The following ZSCAN5A variants were observed in gnomAD, a reference collection of about 807,000 sequenced individuals.
The protein encoded by ZSCAN5A is zinc finger and SCAN domain-containing protein 5A.
Under a neutral mutation model 23.7 loss-of-function variants are expected in ZSCAN5A, and 12 were observed. The observed-to-expected ratio is 0.51, with a 90% CI of 0.32 to 0.82. The LOEUF (loss-of-function observed/expected upper bound fraction) is 0.82, where lower values mean the gene tolerates loss of function less well. ZSCAN5A is among the 40% of genes least tolerant of loss of function. The probability of loss-of-function intolerance (pLI) is 0.03; values close to 1 mark genes in which losing one functional copy is unlikely to be tolerated. For synonymous variants in ZSCAN5A, 257 were observed against 239.9 expected, an observed-to-expected ratio of 1.07 and a Z score of -0.66; for missense variants, 597 against 617.9, an observed-to-expected ratio of 0.97 and a Z score of 0.36.
intron 2 of ZSCAN5A, among the ~76,000 whole-genome samples, chr19:56,258,453 A>ACCTTCCAGTGTGGGGGGTGACAGAGACG (rs2146827265): frequency 7.3e-6 from 1 of 137,418 alleles, no homozygotes; most frequent in Non-Finnish European, 1.5e-5. Context: ...TGACAGACAC[A>ACCTTCCAGTGTGGGGGGTGACAGAGACG]CCTTCCAGTG....
In ZSCAN5A at chr19:56,352,908, C is replaced by T. The variant is rs548236412; in HGVS notation, c.-358+10327G>A. ...AGGTCTTTGCCAGATGGCAGTGTTTCGATCTATTACACTACAGACATTGTG... is the reference window on the plus strand; with the variant it reads ...AGGTCTTTGCCAGATGGCAGTGTTTTGATCTATTACACTACAGACATTGTG... On this transcript the variant is annotated intron_variant, in intron 2 of 6. Coordinates refer to the ZSCAN5A transcript ENST00000587340. This position sits in a 1 kb window ranked among gnomAD's most constrained non-coding sequence, Gnocchi z 4.2. Among the ~76,000 whole-genome samples, 20 of 152,168 alleles carry T rather than the reference C, an allele frequency of 1.3e-4. No homozygotes were observed. The highest frequency in any genetic ancestry group is 2.5e-4 in the Non-Finnish European group (17 of 68,022).
intron 2 of ZSCAN5A, among the ~76,000 whole-genome samples, chr19:56,329,100 G>A (rs555080959): frequency 1.3e-5 from 2 of 152,206 alleles, no homozygotes; most frequent in Admixed American, 6.5e-5. Context: ...TGTAATCCCA[G>A]CATTTAGGGA....
chr19:56,273,380 A>C (rs1456649323), intron 2 of ZSCAN5A, among the ~76,000 whole-genome samples: 1 of 152,210 alleles, frequency 6.6e-6, no homozygotes, highest in Admixed American at 6.5e-5. Context: ...GTCTTGCCAT[A>C]ACTCTGAGTT....
intron 2 of ZSCAN5A, among the ~76,000 whole-genome samples, chr19:56,295,395 A>T (rs1333928993): frequency 6.6e-6 from 1 of 152,018 alleles, no homozygotes; most frequent in Non-Finnish European, 1.5e-5. Flanking sequence ...GGAGTTCTAG[A>T]CCAGCCTGGC....
intron 1 of ZSCAN5A, among the ~76,000 whole-genome samples, 174 bp from the exon 2 acceptor site, chr19:56,313,558 C>A (rs993820286): frequency 3.3e-5 from 5 of 152,194 alleles, no homozygotes; most frequent in Non-Finnish European, 7.3e-5. Flanking sequence ...GAATGCCAAT[C>A]CCTCCGTAGG....
At chr19:56,223,553 A>C (rs1335016581) in intron 4 of ZSCAN5A, 78 bp downstream of exon 4, 2 of 1,461,012 alleles carry the variant, frequency 1.4e-6, no homozygotes, top group Non-Finnish European at 1.9e-6. Flanking sequence ...CAAATCTCTC[A>C]ATCAGTCCAG....
intron 2 of ZSCAN5A, chr19:56,280,505 A>G (rs957055213): frequency 1.3e-5 from 2 of 152,188 alleles, no homozygotes; most frequent in Admixed American, 6.5e-5. Flanking sequence ...ATGTAGAATT[A>G]TATCTATATA....
At chr19:56,240,034 C>CT (rs1404755566) in intron 2 of ZSCAN5A, among the ~76,000 whole-genome samples, 2 of 152,052 alleles carry the variant, frequency 1.3e-5, no homozygotes, top group Non-Finnish European at 2.9e-5. Flanking sequence ...TGGTGGCGGG[C>CT]ACCTGTAATC....
At chr19:56,260,214 CT>C (rs398041088) in intron 2 of ZSCAN5A, among the ~76,000 whole-genome samples, 1,308 of 127,860 alleles carry the variant, frequency 0.01, 8 homozygotes, top group East Asian at 0.023. Flanking sequence ...TATTTTTTTA[CT>C]TTTTTTTTTT....
chr19:56,325,885 A>G (rs2041427742), intron 2 of ZSCAN5A, among the ~76,000 whole-genome samples: 1 of 152,048 alleles, frequency 6.6e-6, no homozygotes, highest in Non-Finnish European at 1.5e-5. Flanking sequence ...TTAACAAAAA[A>G]TTACATATAT....
In ZSCAN5A at chr19:56,221,422, C is replaced by T. The variant is rs780033261; in HGVS notation, c.*153G>A. 1 of 821,688 alleles carries T rather than the reference C, an allele frequency of 1.2e-6. No homozygotes were observed. Among genetic ancestry groups the T allele is most frequent in the Non-Finnish European group, 1.9e-6 (1 of 537,516 alleles). 50.9% of individuals were successfully genotyped at this position (821,688 alleles called of 1,614,324 possible). On this transcript the variant is annotated 3_prime_UTR_variant, in exon 6 of 6. Transcript: ENST00000683990. ...AGAAAACAAAGCTCAGTGGGGAGGA[C>T]ACATATTTACTCAAACATCCTGGCA...
chr19:56,368,200 C>T (rs556265128), intron 1 of ZSCAN5A: 1 of 152,532 alleles, frequency 6.6e-6, no homozygotes, highest in South Asian at 2.1e-4. Context: ...CGTCAATACG[C>T]ACGCGTACTT....
upstream of ZSCAN5A, among the ~76,000 whole-genome samples, chr19:56,319,062 C>T (rs1334823409): frequency 1.3e-5 from 2 of 152,158 alleles, no homozygotes; most frequent in Admixed American, 6.5e-5. Context: ...CACCCCAACC[C>T]CAACAGAATC....
chr19:56,267,345 G>C (rs1298959176), intron 2 of ZSCAN5A, among the ~76,000 whole-genome samples: 5 of 151,700 alleles, frequency 3.3e-5, no homozygotes, highest in Non-Finnish European at 4.4e-5. Context: ...TTACACATAT[G>C]GCTCTGTCAG....
chr19:56,255,304 C>T (rs549636300), intron 2 of ZSCAN5A, among the ~76,000 whole-genome samples: 2 of 152,156 alleles, frequency 1.3e-5, no homozygotes, highest in African/African-American at 4.8e-5. Flanking sequence ...TTGAGCAAAG[C>T]GTGGACAATA....
intron 2 of ZSCAN5A, chr19:56,320,146 C>G: frequency 9.5e-6 from 7 of 739,888 alleles, no homozygotes; most frequent in South Asian, 2.7e-5. Context: ...AAAGTTTAGT[C>G]TGTTTCATAA....
chr19:56,275,686 T>C (rs1450181724), intron 2 of ZSCAN5A, among the ~76,000 whole-genome samples: 1 of 152,222 alleles, frequency 6.6e-6, no homozygotes, highest in Middle Eastern at 3.2e-3. Flanking sequence ...TGTAAGATGT[T>C]TGGGACATCC....
chr19:56,362,645 A>T (rs1357377695), intron 2 of ZSCAN5A, among the ~76,000 whole-genome samples: 1 of 152,228 alleles, frequency 6.6e-6, no homozygotes, highest in Non-Finnish European at 1.5e-5. Flanking sequence ...CCAGGAGGGC[A>T]GATCACGAGG....
At chr19:56,337,190 A>G (rs1015732671) in intron 2 of ZSCAN5A, among the ~76,000 whole-genome samples, 2 of 152,236 alleles carry the variant, frequency 1.3e-5, no homozygotes, top group Non-Finnish European at 1.5e-5. Context: ...GGTGGAGCCT[A>G]CAGAGGCAGG....
Sources: gnomAD v4.1 joint callset for allele counts (sites outside exome capture counted in the v4.1 genomes callset) on GRCh38, gnomAD v4.1.1 for gene constraint, Gnocchi (gnomAD v3.1) non-coding constraint, MANE v1.5 for transcripts, NCBI Gene and HGNC (gene_info 2026-07-23, HGNC 2026-07-21) for gene names.